The following LAMA2 variants were observed in gnomAD, a reference collection of about 807,000 sequenced individuals.
LAMA2 encodes the protein laminin subunit alpha 2.
A neutral mutation model predicts 364.8 loss-of-function variants in LAMA2; 269 were observed. That is an observed-to-expected ratio of 0.74 (90% CI 0.67 to 0.82). LAMA2 has a LOEUF of 0.82. Ranked by LOEUF, LAMA2 falls within the 40% of genes least tolerant of loss-of-function variation. The probability of loss-of-function intolerance (pLI) is 0.00; values close to 1 mark genes in which losing one functional copy is unlikely to be tolerated. For missense variants in LAMA2, 3,807 were observed against 3,873.2 expected (o/e 0.98, Z 0.45); for synonymous variants, 1,379 against 1,370.6 (o/e 1.01, Z -0.14).
At chr6:129,077,184 TTA>T (rs1773719173) in intron 3 of LAMA2, among the ~76,000 whole-genome samples, 1 of 152,166 alleles carries the variant, frequency 6.6e-6, no homozygotes, top group Non-Finnish European at 1.5e-5. Flanking sequence ...TTCATTATCC[TTA>T]CCTCTACCCT....
At chr6:129,016,533 C>T (rs573875478) in intron 1 of LAMA2, among the ~76,000 whole-genome samples, 3 of 151,982 alleles carry the variant, frequency 2.0e-5, no homozygotes, top group East Asian at 1.9e-4. Flanking sequence ...CCCAACAGCA[C>T]GGGTGAACCC....
At chr6:129,486,402 G>T in intron 55 of LAMA2, 72 bp from the exon 56 acceptor site, 1 of 1,474,778 alleles carries the variant, frequency 6.8e-7, no homozygotes, top group Non-Finnish European at 9.5e-7. Context: ...CTGTGGTTCT[G>T]CCAGGGAATC....
chr6:129,181,637 T>C (rs962483854), intron 10 of LAMA2, among the ~76,000 whole-genome samples: 1 of 151,718 alleles, frequency 6.6e-6, no homozygotes, highest in African/African-American at 2.4e-5. Context: ...ATCAGAAATA[T>C]AGGCCTGAAA....
intron 1 of LAMA2, among the ~76,000 whole-genome samples, chr6:129,043,684 T>C (rs1312422410): frequency 2.0e-5 from 3 of 150,932 alleles, no homozygotes; most frequent in Non-Finnish European, 4.4e-5. Context: ...ATGTCTAGTA[T>C]TTTTTTTTAA....
chr6:129,154,487 TA>T lies in LAMA2; in HGVS notation c.1028-17del, dbSNP rs1225444109. 1.2e-5 allele frequency: 19 copies of T among 1,595,942 alleles called. No individual in the cohort carries two copies. Among genetic ancestry groups the T allele is most frequent in the Non-Finnish European group, 1.6e-5 (19 of 1,163,740 alleles). ...GAAATCAAATTGATGTTTATTAATT[TA>T]TTTTTCCTTAATGCAGCATGCAATT... On this transcript the variant is annotated splice_polypyrimidine_tract_variant and intron_variant, in intron 7 of 64. Coordinates refer to ENST00000421865, the MANE Select transcript of LAMA2 (RefSeq NM_000426.4).
chr6:129,331,215 C>A lies in LAMA2; in HGVS notation c.4311+2803C>A, dbSNP rs117268326. Among the ~76,000 whole-genome samples, 342 of 152,292 alleles carry A rather than the reference C, an allele frequency of 2.2e-3. 1 individual carries two copies. Among genetic ancestry groups the A allele is most frequent in the Non-Finnish European group, 2.9e-3 (200 of 68,016 alleles). On this transcript the variant is annotated intron_variant, in intron 29 of 64. Coordinates refer to ENST00000421865, the MANE Select transcript of LAMA2 (RefSeq NM_000426.4). ...AGCTGAACGTGGCTGTAGAAAAAGA[C>A]AATTGTGCCATCTAATCTCACCTTA... is the stretch of plus-strand genomic sequence containing the variant.
At chr6:128,911,787 C>T (rs923211185) in intron 1 of LAMA2, among the ~76,000 whole-genome samples, 4 of 152,200 alleles carry the variant, frequency 2.6e-5, no homozygotes, top group African/African-American at 7.2e-5. Context: ...AACATTTCTC[C>T]TTTCCCAGAA....
intron 2 of LAMA2, among the ~76,000 whole-genome samples, chr6:129,059,326 G>A (rs1788721206): frequency 6.6e-6 from 1 of 152,118 alleles, no homozygotes. Flanking sequence ...TAATGAATGT[G>A]TCAGAAGGGC....
At chr6:129,073,069 G>T (rs967610182) in intron 3 of LAMA2, among the ~76,000 whole-genome samples, 2 of 151,530 alleles carry the variant, frequency 1.3e-5, no homozygotes, top group Admixed American at 6.6e-5. Context: ...CTCATCTTTT[G>T]TTTGTTTTTT....
At chr6:129,032,507 C>T (rs573120226) in intron 1 of LAMA2, among the ~76,000 whole-genome samples, 7 of 152,148 alleles carry the variant, frequency 4.6e-5, no homozygotes, top group Non-Finnish European at 5.9e-5. Context: ...ATTCTAGAAT[C>T]GGACTAAAGG....
At chr6:129,269,877 T>C (rs1383670789) in intron 16 of LAMA2, among the ~76,000 whole-genome samples, 3 of 152,150 alleles carry the variant, frequency 2.0e-5, no homozygotes, top group Admixed American at 2.0e-4. Context: ...ATGCTATCTT[T>C]TAAAAAGTTT....
intron 1 of LAMA2, among the ~76,000 whole-genome samples, chr6:128,984,241 T>C (rs1314963558): frequency 1.3e-5 from 2 of 152,182 alleles, no homozygotes; most frequent in Admixed American, 1.3e-4. Context: ...CTGGTATAAT[T>C]CAGAACTACT....
intron 40 of LAMA2, among the ~76,000 whole-genome samples, chr6:129,417,614 C>T (rs183896689): frequency 3.9e-5 from 6 of 152,268 alleles, no homozygotes; most frequent in Admixed American, 6.5e-5. Context: ...ACCCAGGAAC[C>T]TGTATGCCTC....
intron 49 of LAMA2, among the ~76,000 whole-genome samples, chr6:129,462,566 T>C (rs973659414): frequency 9.9e-5 from 15 of 152,036 alleles, no homozygotes; most frequent in Non-Finnish European, 1.3e-4. Context: ...AATAATCCTA[T>C]ATTTTTTAAT....
intron 34 of LAMA2, among the ~76,000 whole-genome samples, chr6:129,380,287 G>C (rs1778606069): frequency 6.6e-6 from 1 of 152,102 alleles, no homozygotes; most frequent in Non-Finnish European, 1.5e-5. Context: ...GTTCCAAAAG[G>C]AAGTAGGCAA....
At chr6:129,378,680 C>G (rs1201445962) in intron 34 of LAMA2, among the ~76,000 whole-genome samples, 1 of 152,006 alleles carries the variant, frequency 6.6e-6, no homozygotes, top group East Asian at 1.9e-4. Context: ...GGATGTTAGC[C>G]AAACACAAAA....
Position 129,454,228 on chromosome 6 carries a change from G to A in LAMA2, c.6647G>A (p.Arg2216His), listed in dbSNP as rs371191809. The A allele has an allele frequency of 1.4e-5, 22 of 1,611,766 alleles. No homozygotes were observed. The highest frequency in any genetic ancestry group is 1.2e-4 in the Admixed American group (7 of 59,942). The change falls in exon 47 of 65, where the codon CGT becomes CAT. Residue 2216 changes from arginine to histidine, a missense_variant. By Grantham distance (29) the Arg-to-His change is conservative (BLOSUM62 0). Transcript: ENST00000421865. ...TGGGATGTTGGATCTGGAGTTGGAC[G>A]TGTAGAGTACCCAGATTTGACTATT... Reference protein sequence around the residue: ...FLWDVGSGVGRVEYPDLTIDD... With the variant: ...FLWDVGSGVGHVEYPDLTIDD...
At chr6:129,333,803 A>C (rs1349070092) in intron 29 of LAMA2, among the ~76,000 whole-genome samples, 3 of 152,170 alleles carry the variant, frequency 2.0e-5, no homozygotes, top group Non-Finnish European at 4.4e-5. Flanking sequence ...TTAATTTAGA[A>C]GCATTTATAA....
At chr6:129,156,129 T>C (rs1223175750) in intron 8 of LAMA2, among the ~76,000 whole-genome samples, 1 of 151,624 alleles carries the variant, frequency 6.6e-6, no homozygotes, top group East Asian at 1.9e-4. Flanking sequence ...AGGTAATATG[T>C]TAATTAGCTT....
Sources: gnomAD v4.1 joint callset for allele counts (sites outside exome capture counted in the v4.1 genomes callset) on GRCh38, gnomAD v4.1.1 for gene constraint, MANE v1.5 for transcripts, NCBI Gene and HGNC (gene_info 2026-07-23, HGNC 2026-07-21) for gene names.